SEPTIN9: variants seen among roughly 807,000 people sequenced by gnomAD.
The protein encoded by SEPTIN9 is septin-9.
SEPTIN9 carries 13 observed loss-of-function variants against 56.6 expected under a neutral mutation model. The observed-to-expected ratio is 0.23, with a 90% CI of 0.15 to 0.37. The LOEUF is 0.37. Among genes scored for constraint, SEPTIN9 ranks in the 10% least tolerant of loss-of-function variants. SEPTIN9 has a pLI of 1.00. For synonymous variants in SEPTIN9, 332 were observed against 334.1 expected, an observed-to-expected ratio of 0.99 and a Z score of 0.07; for missense variants, 650 against 823.1, an observed-to-expected ratio of 0.79 and a Z score of 2.57.
chr17:77,492,300 C>T lies in SEPTIN9; in HGVS notation c.1381-321C>T, dbSNP rs1482959182. 6.6e-6 allele frequency among the ~76,000 whole-genome samples: 1 copy of T among 152,060 alleles called. No individual in the cohort carries two copies. The highest frequency in any genetic ancestry group is 1.5e-5 in the Non-Finnish European group (1 of 68,006). ...GACGAGGGTTTTTTAGGAAGGGTTT[C>T]AGGAGGGGAGGTCTCGGTAACCCTG... On this transcript the variant is annotated intron_variant, in intron 8 of 11. Coordinates refer to ENST00000427177, the MANE Select transcript of SEPTIN9 (RefSeq NM_001113491.2). The surrounding 1 kb of genome is among the most constrained non-coding windows in gnomAD (Gnocchi z 5.4).
chr17:77,498,893 G>C lies in SEPTIN9; in HGVS notation c.*235G>C, dbSNP rs1254439739. 1.7e-6 allele frequency: 1 copy of C among 593,464 alleles called. No individual in the cohort carries two copies. Among genetic ancestry groups the C allele is most frequent in the South Asian group, 1.5e-5 (1 of 65,728 alleles). The allele number at this position is 593,464 out of a possible 1,614,324, so 36.8% of individuals were successfully genotyped here. A position where few individuals can be genotyped will look rare whatever the true frequency, so the allele number is the denominator to read the frequency against. Reference sequence around the variant, plus strand: ...GCACTGGAGCCACAGGCAGGGGTGAGAGCACCCACTGAATTGACATGACCC... The same window carrying C: ...GCACTGGAGCCACAGGCAGGGGTGACAGCACCCACTGAATTGACATGACCC... On this transcript the variant is annotated 3_prime_UTR_variant, in exon 12 of 12. Coordinates refer to ENST00000427177, the MANE Select transcript of SEPTIN9 (RefSeq NM_001113491.2).
At chr17:77,341,213 C>G (rs2033714386) in intron 2 of SEPTIN9, among the ~76,000 whole-genome samples, 1 of 152,160 alleles carries the variant, frequency 6.6e-6, no homozygotes, top group Non-Finnish European at 1.5e-5. Flanking sequence ...CCTCACTCAG[C>G]TTAATCATTT....
At chr17:77,376,130 C>T (rs1229208632) in intron 2 of SEPTIN9, 35 of 986,542 alleles carry the variant, frequency 3.5e-5, no homozygotes, top group Admixed American at 6.2e-5. Context: ...AATTGGATTG[C>T]AAGAGGAAGG....
intron 2 of SEPTIN9, among the ~76,000 whole-genome samples, chr17:77,334,950 A>G (rs541939314): frequency 1.3e-5 from 2 of 152,236 alleles, no homozygotes; most frequent in South Asian, 4.1e-4. Flanking sequence ...ATGTGGCCCT[A>G]TATTAGTATA....
chr17:77,346,802 A>T (rs537884125), intron 2 of SEPTIN9, among the ~76,000 whole-genome samples: 13 of 152,118 alleles, frequency 8.5e-5, no homozygotes, highest in African/African-American at 3.1e-4. Flanking sequence ...CATATGTTGG[A>T]GCTTAATCTC....
rs567871902 is a variant in SEPTIN9, at chr17:77,329,288, G to A, written c.76+22091G>A. Among the ~76,000 whole-genome samples, 34 of 152,310 alleles carry A rather than the reference G, an allele frequency of 2.2e-4. No homozygotes were observed. In the South Asian group the frequency reaches 6.8e-3, roughly 31 times the overall value. On this transcript the variant is annotated intron_variant, in intron 2 of 11. Coordinates refer to ENST00000427177, the MANE Select transcript of SEPTIN9 (RefSeq NM_001113491.2). The surrounding 1 kb of genome is among the most constrained non-coding windows in gnomAD (Gnocchi z 4.3). ...CTCTTTAGAGAGGAAGTTGGAGAGG[G>A]AGGATCTCTTTGATTGCTGGATGGA...
At chr17:77,294,720 A>T (rs2031727302) in intron 1 of SEPTIN9, 1 of 152,812 alleles carries the variant, frequency 6.5e-6, no homozygotes. Flanking sequence ...CATTGAAGGA[A>T]CTGAATCCTT....
intron 2 of SEPTIN9, 57 bp downstream of exon 2, chr17:77,307,254 G>T (rs2032308203): frequency 6.6e-7 from 1 of 1,505,778 alleles, no homozygotes; most frequent in East Asian, 2.3e-5. Flanking sequence ...TTGTGCTGGG[G>T]TCCCTTCATT....
chr17:77,473,656 A>G (rs770614976), intron 3 of SEPTIN9, among the ~76,000 whole-genome samples: 90 of 152,322 alleles, frequency 5.9e-4, no homozygotes, highest in Non-Finnish European at 1.1e-3. Flanking sequence ...GTCCTGTACT[A>G]CTGTATCAGA....
chr17:77,462,360 G>T (rs527566651), intron 3 of SEPTIN9, among the ~76,000 whole-genome samples: 1 of 152,096 alleles, frequency 6.6e-6, no homozygotes, highest in African/African-American at 2.4e-5. Flanking sequence ...CCCAGCTGCC[G>T]GCCCCGGGAG....
intron 1 of SEPTIN9, among the ~76,000 whole-genome samples, chr17:77,299,145 C>T (rs1256025650): frequency 6.6e-6 from 1 of 152,218 alleles, no homozygotes; most frequent in African/African-American, 2.4e-5. Context: ...GGCCACACGG[C>T]TCAGTGCTAA....
chr17:77,314,800 G>C (rs111256348), intron 2 of SEPTIN9, among the ~76,000 whole-genome samples: 1 of 152,232 alleles, frequency 6.6e-6, no homozygotes, highest in Non-Finnish European at 1.5e-5. Context: ...ACCAGCCCCA[G>C]GGCCTCCTGG....
At chr17:77,357,146 G>A (rs2034280939) in intron 2 of SEPTIN9, among the ~76,000 whole-genome samples, 1 of 152,104 alleles carries the variant, frequency 6.6e-6, no homozygotes. Context: ...TGGAGAGCTG[G>A]CCCACGCCAC....
At chr17:77,493,943 T>G (rs1213589173) in intron 10 of SEPTIN9, among the ~76,000 whole-genome samples, 1 of 152,116 alleles carries the variant, frequency 6.6e-6, no homozygotes, top group Non-Finnish European at 1.5e-5. Context: ...GACTTAATTT[T>G]TGTATTTTTA....
intron 2 of SEPTIN9, among the ~76,000 whole-genome samples, chr17:77,332,418 CT>C (rs2143714822): frequency 6.6e-6 from 1 of 152,310 alleles, no homozygotes; most frequent in African/African-American, 2.4e-5. Context: ...AGCATCCACG[CT>C]GGTTTTGATG....
Position 77,405,713 on chromosome 17 carries a change from A to G in SEPTIN9, c.721+3010A>G, listed in dbSNP as rs1165733481. 3.3e-5 allele frequency among the ~76,000 whole-genome samples: 5 copies of G among 151,936 alleles called. No individual in the cohort carries two copies. Among genetic ancestry groups the G allele is most frequent in the Non-Finnish European group, 7.4e-5 (5 of 67,952 alleles). On this transcript the variant is annotated intron_variant, in intron 3 of 11. Coordinates refer to ENST00000427177, the MANE Select transcript of SEPTIN9 (RefSeq NM_001113491.2). The surrounding 1 kb of genome is among the most constrained non-coding windows in gnomAD (Gnocchi z 5.8). ...CTCGGGGGGCCCAGGCCTGAGCCCCACTAGTTCTTCCTCCGAGGCACCACC... is the reference window on the plus strand; with the variant it reads ...CTCGGGGGGCCCAGGCCTGAGCCCCGCTAGTTCTTCCTCCGAGGCACCACC...
chr17:77,414,156 G>A (rs1451939809), intron 3 of SEPTIN9, among the ~76,000 whole-genome samples: 1 of 152,068 alleles, frequency 6.6e-6, no homozygotes, highest in Non-Finnish European at 1.5e-5. Context: ...TCGGCTGACT[G>A]CAACCTCCGC....
At position 77,429,452 on chromosome 17, in the gene SEPTIN9, G is replaced by A. The variant is rs933819211; in HGVS notation, c.721+26749G>A. 1 of 378,374 alleles carries A rather than the reference G, an allele frequency of 2.6e-6. No homozygotes were observed. Among genetic ancestry groups the A allele is most frequent in the East Asian group, 7.4e-5 (1 of 13,526 alleles). The allele number at this position is 378,374 out of a possible 1,614,324, so 23.4% of individuals were successfully genotyped here. ...TGGGGAGGGACTGAGGGCTGATTGT[G>A]TTGTGGGGATGTTGGCAGAGAATCA... On this transcript the variant is annotated intron_variant, in intron 3 of 11. Coordinates refer to ENST00000427177, the MANE Select transcript of SEPTIN9 (RefSeq NM_001113491.2). The surrounding 1 kb of genome is among the most constrained non-coding windows in gnomAD (Gnocchi z 5.2).
At chr17:77,328,178 A>G (rs754773792) in intron 2 of SEPTIN9, among the ~76,000 whole-genome samples, 4 of 150,788 alleles carry the variant, frequency 2.7e-5, no homozygotes, top group Non-Finnish European at 5.9e-5. Context: ...GTGTCCCTGT[A>G]TCCAGGGCGT....
Sources: gnomAD v4.1 joint callset for allele counts (sites outside exome capture counted in the v4.1 genomes callset) on GRCh38, gnomAD v4.1.1 for gene constraint, Gnocchi (gnomAD v3.1) non-coding constraint, MANE v1.5 for transcripts, NCBI Gene and HGNC (gene_info 2026-07-23, HGNC 2026-07-21) for gene names.